Variants in C1QTNF7 observed in about 807,000 individuals in gnomAD.
The protein encoded by C1QTNF7 is complement C1q tumor necrosis factor-related protein 7.
C1QTNF7 carries 15 observed loss-of-function variants against 19.6 expected under a neutral mutation model. The ratio of observed to expected loss-of-function variants is 0.76; its 90% CI spans 0.51 to 1.18. C1QTNF7 has a LOEUF of 1.18. Among genes scored for constraint, C1QTNF7 ranks in the 50% most tolerant of loss-of-function variants. C1QTNF7 has a pLI of 0.00. For missense variants in C1QTNF7, 324 were observed against 359.7 expected (o/e 0.90, Z 0.80); for synonymous variants, 142 against 137.5 (o/e 1.03, Z -0.23).
chr4:15,432,268 T>G (rs1425959541), intron 1 of C1QTNF7, among the ~76,000 whole-genome samples: 1 of 152,192 alleles, frequency 6.6e-6, no homozygotes, highest in African/African-American at 2.4e-5. Context: ...AACAGCGTGA[T>G]CCCACTGTGA....
At chr4:15,398,278 A>G (rs1718863576) in intron 1 of C1QTNF7, among the ~76,000 whole-genome samples, 1 of 152,184 alleles carries the variant, frequency 6.6e-6, no homozygotes, top group South Asian at 2.1e-4. Context: ...TTACCAAGAG[A>G]TCTAATGAAT....
intron 1 of C1QTNF7, among the ~76,000 whole-genome samples, chr4:15,343,327 C>A (rs952226577): frequency 1.3e-5 from 2 of 152,108 alleles, no homozygotes; most frequent in East Asian, 1.9e-4. Context: ...TCAATGTTTC[C>A]CAAGATTTAA....
At position 15,370,311 on chromosome 4, in the gene C1QTNF7, G is replaced by A. The variant is rs150921620; in HGVS notation, c.13+30104G>A. On this transcript the variant is annotated intron_variant, in intron 1 of 2. Transcript: ENST00000295297. ...AGAACAAGCTTGCTGGGAAGCCATAGGAAAGTGTGAGATTCTAGGATCTCA... is the reference window on the plus strand; with the variant it reads ...AGAACAAGCTTGCTGGGAAGCCATAAGAAAGTGTGAGATTCTAGGATCTCA... Among the ~76,000 whole-genome samples, 177 of 152,262 alleles carry A rather than the reference G, an allele frequency of 1.2e-3. 1 individual carries two copies. Among genetic ancestry groups the A allele is most frequent in the African/African-American group, 4.1e-3 (170 of 41,570 alleles).
chr4:15,382,992 C>T (rs1354849725), intron 1 of C1QTNF7, among the ~76,000 whole-genome samples: 1 of 152,194 alleles, frequency 6.6e-6, no homozygotes, highest in African/African-American at 2.4e-5. Flanking sequence ...TGCCCTCTTA[C>T]AGAAAACATT....
upstream of C1QTNF7, chr4:15,427,907 C>T (rs1160018979): frequency 1.8e-5 from 8 of 434,082 alleles, no homozygotes; most frequent in African/African-American, 2.2e-5. Flanking sequence ...GAGCCTCACT[C>T]GATGAATGAC....
chr4:15,340,011 T>A, exon 1 of C1QTNF7: 1 of 748,366 alleles, frequency 1.3e-6, no homozygotes, highest in Non-Finnish European at 2.3e-6. Flanking sequence ...AGCTCCAAGC[T>A]TCAAACGCAT....
chr4:15,408,564 G>C (rs1719288378), intron 1 of C1QTNF7, among the ~76,000 whole-genome samples: 1 of 152,060 alleles, frequency 6.6e-6, no homozygotes, highest in Non-Finnish European at 1.5e-5. Flanking sequence ...GTACAGATAA[G>C]AAGAAGCTGC....
At chr4:15,405,651 T>A (rs888517450) in intron 1 of C1QTNF7, among the ~76,000 whole-genome samples, 2 of 152,184 alleles carry the variant, frequency 1.3e-5, no homozygotes, top group Non-Finnish European at 2.9e-5. Flanking sequence ...CCCTGCTGAG[T>A]GTTTATAACC....
chr4:15,341,951 C>A (rs558794244), intron 1 of C1QTNF7, among the ~76,000 whole-genome samples: 1 of 152,368 alleles, frequency 6.6e-6, no homozygotes, highest in East Asian at 1.9e-4. Context: ...CTGGCGGCAT[C>A]TCTGGAAGTC....
chr4:15,399,020 GT>G (rs892639431), intron 1 of C1QTNF7, among the ~76,000 whole-genome samples: 8 of 152,132 alleles, frequency 5.3e-5, no homozygotes, highest in Non-Finnish European at 1.2e-4. Flanking sequence ...GTTTACTGGA[GT>G]TGTATGCATG....
chr4:15,422,735 G>C (rs572459046), intron 1 of C1QTNF7, among the ~76,000 whole-genome samples: 4 of 152,134 alleles, frequency 2.6e-5, no homozygotes, highest in Admixed American at 2.6e-4. Context: ...CTTCTGAGTA[G>C]ATGTGCCTAT....
chr4:15,418,855 C>T (rs1025720970), intron 1 of C1QTNF7, among the ~76,000 whole-genome samples: 2 of 152,200 alleles, frequency 1.3e-5, no homozygotes, highest in African/African-American at 4.8e-5. Context: ...GCCCTCAGCA[C>T]AGAGTCTGCC....
At position 15,428,174 on chromosome 4, in the gene C1QTNF7, G is replaced by A. The variant is rs142402837; in HGVS notation, c.-9+68G>A. 103 of 693,324 alleles carry A rather than the reference G, an allele frequency of 1.5e-4. No homozygotes were observed. The African/African-American group carries it at 1.8e-3, about 12-fold the overall frequency. The allele number at this position is 693,324 out of a possible 1,614,324, so 42.9% of individuals were successfully genotyped here. Reference sequence around the variant, plus strand: ...ATGCAATGGCCTGTTCTCGTGACGGGAGCTTTTTAGCTTATTAAACAGATG... The same window carrying A: ...ATGCAATGGCCTGTTCTCGTGACGGAAGCTTTTTAGCTTATTAAACAGATG... On this transcript the variant is annotated intron_variant, in intron 1 of 2. Transcript: ENST00000444304.
intron 1 of C1QTNF7, among the ~76,000 whole-genome samples, chr4:15,428,361 G>A (rs1039904792): frequency 5.3e-5 from 8 of 152,080 alleles, no homozygotes; most frequent in African/African-American, 1.9e-4. Flanking sequence ...GCTTAGCATT[G>A]CTCTCTAGGA....
chr4:15,367,223 C>T (rs1019844896), intron 1 of C1QTNF7, among the ~76,000 whole-genome samples: 5 of 152,206 alleles, frequency 3.3e-5, no homozygotes, highest in South Asian at 2.1e-4. Context: ...AACTATTATT[C>T]GGGAAAATAG....
At chr4:15,435,615 G>A (rs1463013245) in intron 1 of C1QTNF7, 121 bp from the exon 2 acceptor site, 6 of 1,394,106 alleles carry the variant, frequency 4.3e-6, no homozygotes, top group East Asian at 2.3e-5. Context: ...TGTCTGGAAA[G>A]ACGAACACTG....
chr4:15,341,985 G>A lies in C1QTNF7; in HGVS notation c.13+1778G>A, dbSNP rs578109336. Among the ~76,000 whole-genome samples the A allele has an allele frequency of 1.1e-3, 169 of 152,308 alleles. 1 individual carries two copies. The highest frequency in any genetic ancestry group is 3.9e-3 in the African/African-American group (162 of 41,568). ...TCAGGCCCGCCAGGCCCCACCCCAGGGCCCCAGAGGGCCCCAAAGAGGACA... is the reference window on the plus strand; with the variant it reads ...TCAGGCCCGCCAGGCCCCACCCCAGAGCCCCAGAGGGCCCCAAAGAGGACA... On this transcript the variant is annotated intron_variant, in intron 1 of 2. Coordinates refer to the C1QTNF7 transcript ENST00000295297.
At chr4:15,413,841 C>T (rs1046792475) in intron 1 of C1QTNF7, among the ~76,000 whole-genome samples, 6 of 152,146 alleles carry the variant, frequency 3.9e-5, no homozygotes, top group African/African-American at 1.2e-4. Flanking sequence ...CTTACTCAGC[C>T]CCTACAAAGA....
In C1QTNF7 at chr4:15,439,144, C is replaced by A. The variant is rs28456032; in HGVS notation, c.239-3024C>A. 2.8e-3 allele frequency among the ~76,000 whole-genome samples: 429 copies of A among 152,306 alleles called. 2 individuals are homozygous for A. The highest frequency in any genetic ancestry group is 0.01 in the African/African-American group (416 of 41,570). On this transcript the variant is annotated intron_variant, in intron 2 of 2. Coordinates refer to ENST00000444304, the MANE Select transcript of C1QTNF7 (RefSeq NM_031911.5). Reference sequence around the variant, plus strand: ...CTAAATAGGGAGAAGGACAATGACTCATCCCTTCTTTCCACTCTTAATGTG... The same window carrying A: ...CTAAATAGGGAGAAGGACAATGACTAATCCCTTCTTTCCACTCTTAATGTG...
Sources: allele counts gnomAD v4.1 joint callset (sites outside exome capture counted in the v4.1 genomes callset), GRCh38; gene constraint gnomAD v4.1.1; transcripts MANE v1.5; gene names NCBI Gene and HGNC (gene_info 2026-07-23, HGNC 2026-07-21).